Variants in CA5A observed in about 807,000 individuals in gnomAD.
The protein encoded by CA5A is carbonic anhydrase 5A, mitochondrial.
Under a neutral mutation model 37.1 loss-of-function variants are expected in CA5A, and 28 were observed. That is an observed-to-expected ratio of 0.75 (90% confidence interval 0.56 to 1.03). CA5A has a LOEUF of 1.03. Among genes scored for constraint, CA5A ranks in the 50% least tolerant of loss-of-function variants. The pLI, the probability that CA5A is intolerant of heterozygous loss-of-function variation, is 0.00. For missense variants in CA5A, 444 were observed against 399.9 expected, an observed-to-expected ratio of 1.11 and a Z score of -0.94; for synonymous variants, 171 against 158.4, an observed-to-expected ratio of 1.08 and a Z score of -0.60.
chr16:87,933,473 G>T (rs930216742), intron 1 of CA5A, among the ~76,000 whole-genome samples: 1 of 152,174 alleles, frequency 6.6e-6, no homozygotes, highest in African/African-American at 2.4e-5. Context: ...AATTCCTGGG[G>T]TCAGTGATCC....
chr16:87,911,409 C>T lies in CA5A; in HGVS notation c.341-6505G>A. Among the ~76,000 whole-genome samples, 1 of 152,134 alleles carries T rather than the reference C, an allele frequency of 6.6e-6. No homozygotes were observed. Among genetic ancestry groups the T allele is most frequent in the East Asian group, 1.9e-4 (1 of 5,200 alleles). The stretch of plus-strand genomic sequence containing the variant: ...TATTACAACAGATGCTGTTAATAGC[C>T]ATCTATTTGTAGTTCGGGGCTTTTA... On this transcript the variant is annotated intron_variant, in intron 2 of 6. Coordinates refer to ENST00000649794, the MANE Select transcript of CA5A (RefSeq NM_001739.2). The surrounding 1 kb of genome is among the most constrained non-coding windows in gnomAD (Gnocchi z 4.6).
intron 4 of CA5A, chr16:87,882,774 G>C (rs1307906179): frequency 6.6e-6 from 1 of 152,412 alleles, no homozygotes; most frequent in African/African-American, 2.4e-5. Context: ...CAGCAGCTTA[G>C]AGCAGAACAG....
chr16:87,935,996 C>T (rs1017764217), intron 1 of CA5A, among the ~76,000 whole-genome samples: 1 of 151,970 alleles, frequency 6.6e-6, no homozygotes, highest in Admixed American at 6.6e-5. Context: ...CACAGTGAAA[C>T]CCTGTCTCTA....
At chr16:87,902,002 C>T (rs1191669325) in intron 4 of CA5A, 28 bp from the exon 5 acceptor site, 2 of 1,606,736 alleles carry the variant, frequency 1.2e-6, no homozygotes, top group Non-Finnish European at 1.7e-6. Context: ...GAGGGGTTAG[C>T]TGCAAAGGCA....
chr16:87,924,812 C>T (rs959383342), intron 2 of CA5A, among the ~76,000 whole-genome samples: 5 of 152,238 alleles, frequency 3.3e-5, no homozygotes, highest in African/African-American at 7.2e-5. Flanking sequence ...GCTTGGATAA[C>T]GCAGAAGCGT....
intron 1 of CA5A, among the ~76,000 whole-genome samples, chr16:87,929,632 G>T (rs59525234): frequency 0.017 from 2,577 of 152,020 alleles, 78 homozygotes; most frequent in African/African-American, 0.059. Context: ...CAGCACTTTG[G>T]GAGGCCGAGG....
chr16:87,886,585 C>T (rs1232745629), downstream of CA5A: 1 of 152,084 alleles, frequency 6.6e-6, no homozygotes, highest in Non-Finnish European at 1.5e-5. Context: ...GGTGGGGTGG[C>T]TAATGCCTGT....
At chr16:87,935,632 T>G (rs1157083607) in intron 1 of CA5A, among the ~76,000 whole-genome samples, 1 of 152,132 alleles carries the variant, frequency 6.6e-6, no homozygotes, top group East Asian at 1.9e-4. Context: ...TCCTAGCACT[T>G]TGGGAGGCCA....
At chr16:87,892,889 C>T (rs182701876) in intron 5 of CA5A, 5 of 453,380 alleles carry the variant, frequency 1.1e-5, no homozygotes, top group East Asian at 1.1e-4. Context: ...CTCCTGACCT[C>T]GGATGATCCA....
At chr16:87,892,944 G>A (rs1459796953) in intron 5 of CA5A, 5 of 838,288 alleles carry the variant, frequency 6.0e-6, no homozygotes, top group Non-Finnish European at 9.7e-6. Flanking sequence ...ACTGTGCCCG[G>A]CCTATGGGCT....
intron 5 of CA5A, chr16:87,893,389 A>T: frequency 2.2e-6 from 1 of 450,744 alleles, no homozygotes; most frequent in South Asian, 1.7e-5. Flanking sequence ...GGCCTCCCAA[A>T]GTGTTGGGAT....
At chr16:87,898,331 G>C (rs1023211360) in intron 5 of CA5A, among the ~76,000 whole-genome samples, 22 of 152,194 alleles carry the variant, frequency 1.4e-4, no homozygotes, top group African/African-American at 5.1e-4. Flanking sequence ...GCAGAGCTGG[G>C]ATTTGAAGCC....
chr16:87,929,389 T>C (rs2056364473), intron 1 of CA5A, among the ~76,000 whole-genome samples: 1 of 147,900 alleles, frequency 6.8e-6, no homozygotes, highest in Non-Finnish European at 1.5e-5. Context: ...GAGGCGGAGA[T>C]TGCAGTGAGC....
chr16:87,922,286 G>A (rs1199925503), intron 2 of CA5A, among the ~76,000 whole-genome samples: 2 of 152,128 alleles, frequency 1.3e-5, no homozygotes, highest in African/African-American at 4.8e-5. Context: ...GAGGTTCCAG[G>A]GAAAGTTGCG....
intron 2 of CA5A, among the ~76,000 whole-genome samples, chr16:87,907,301 C>T (rs1197145199): frequency 1.3e-5 from 2 of 152,242 alleles, no homozygotes; most frequent in South Asian, 2.1e-4. Context: ...AATGGGAGCA[C>T]GGTGAGCTCT....
In CA5A at chr16:87,891,965, G is replaced by A. The variant is rs532477029; in HGVS notation, c.619-11C>T. 43 of 1,526,634 alleles carry A rather than the reference G, an allele frequency of 2.8e-5. No homozygotes were observed. Among genetic ancestry groups the A allele is most frequent in the East Asian group, 2.3e-4 (9 of 38,452 alleles). The allele number at this position is 1,526,634 out of a possible 1,614,324, so 94.6% of individuals were successfully genotyped here. A position where few individuals can be genotyped will look rare whatever the true frequency, so the allele number is the denominator to read the frequency against. The stretch of plus-strand genomic sequence containing the variant: ...GGCCGCCCGCGCGTCCTGAGAGACC[G>A]AGAAGCACAGGACGTGTCAGTCCTC... On this transcript the variant is annotated splice_polypyrimidine_tract_variant and intron_variant, in intron 5 of 6. Transcript: ENST00000649794.
At chr16:87,903,977 A>G (rs926997817) in intron 3 of CA5A, among the ~76,000 whole-genome samples, 1 of 152,206 alleles carries the variant, frequency 6.6e-6, no homozygotes, top group Non-Finnish European at 1.5e-5. Flanking sequence ...ACAAAAACCA[A>G]TTCCCAACAT....
chr16:87,918,631 G>A (rs1376971643), intron 2 of CA5A, among the ~76,000 whole-genome samples: 1 of 152,220 alleles, frequency 6.6e-6, no homozygotes, highest in African/African-American at 2.4e-5. Flanking sequence ...GGCCTCGGGA[G>A]CCTGTCCGTG....
At chr16:87,894,688 G>C (rs2055775821) in intron 5 of CA5A, among the ~76,000 whole-genome samples, 2 of 151,878 alleles carry the variant, frequency 1.3e-5, no homozygotes, top group African/African-American at 2.4e-5. Flanking sequence ...AGACCAGCCT[G>C]ACCAACATGG....
Sources: gnomAD v4.1 joint callset for allele counts (sites outside exome capture counted in the v4.1 genomes callset) on GRCh38, gnomAD v4.1.1 for gene constraint, Gnocchi (gnomAD v3.1) non-coding constraint, MANE v1.5 for transcripts, NCBI Gene and HGNC (gene_info 2026-07-23, HGNC 2026-07-21) for gene names.